ROR1: variants seen among roughly 807,000 people sequenced by gnomAD.
The protein encoded by ROR1 is ROR family WNT receptor 1.
A neutral mutation model predicts 78.8 loss-of-function variants in ROR1; 19 were observed. The ratio of observed to expected loss-of-function variants is 0.24; its 90% CI spans 0.17 to 0.35. ROR1 has a LOEUF of 0.35. ROR1 is among the 10% of genes least tolerant of loss of function. ROR1 has a pLI of 1.00. For synonymous variants in ROR1, 386 were observed against 433.6 expected (o/e 0.89, Z 1.36); for missense variants, 917 against 1,177.8 (o/e 0.78, Z 3.24).
At chr1:63,784,751 G>C (rs1439138199) in intron 1 of ROR1, among the ~76,000 whole-genome samples, 1 of 152,168 alleles carries the variant, frequency 6.6e-6, no homozygotes, top group Non-Finnish European at 1.5e-5. Flanking sequence ...TGACAGAGGG[G>C]GAAGGACCAT....
chr1:64,097,974 T>C (rs958456928), intron 4 of ROR1, among the ~76,000 whole-genome samples: 2 of 152,150 alleles, frequency 1.3e-5, no homozygotes, highest in Non-Finnish European at 2.9e-5. Context: ...TCTCCGTCAA[T>C]TTACACACAA....
intron 4 of ROR1, among the ~76,000 whole-genome samples, chr1:64,126,611 G>A (rs2100693913): frequency 6.6e-6 from 1 of 152,254 alleles, no homozygotes; most frequent in African/African-American, 2.4e-5. Flanking sequence ...GACAAAGAAG[G>A]TAAGTGACCT....
At chr1:64,015,950 T>C (rs1646517386) in intron 2 of ROR1, among the ~76,000 whole-genome samples, 1 of 152,168 alleles carries the variant, frequency 6.6e-6, no homozygotes, top group South Asian at 2.1e-4. Flanking sequence ...AAATAAAATA[T>C]AAATCTCATC....
intron 1 of ROR1, among the ~76,000 whole-genome samples, chr1:63,916,492 G>A (rs1276381977): frequency 3.3e-5 from 5 of 152,192 alleles, no homozygotes; most frequent in Non-Finnish European, 7.3e-5. Context: ...GATTGAATGA[G>A]TTTCATGTTT....
At chr1:63,908,075 C>T (rs944564112) in intron 1 of ROR1, among the ~76,000 whole-genome samples, 2 of 152,110 alleles carry the variant, frequency 1.3e-5, no homozygotes, top group African/African-American at 4.8e-5. Flanking sequence ...TATAATTACA[C>T]TCACTTGCTC....
At chr1:63,995,360 A>C (rs1168086835) in intron 1 of ROR1, among the ~76,000 whole-genome samples, 1 of 152,158 alleles carries the variant, frequency 6.6e-6, no homozygotes, top group Non-Finnish European at 1.5e-5. Context: ...TCATTGTTTG[A>C]AAGAGACCTC....
intron 1 of ROR1, among the ~76,000 whole-genome samples, chr1:63,945,248 A>C (rs1372607019): frequency 1.3e-5 from 2 of 152,206 alleles, no homozygotes; most frequent in African/African-American, 4.8e-5. Context: ...CTGTTAAACT[A>C]AAAAAGATCA....
chr1:63,887,415 AT>A (rs1645364707), intron 1 of ROR1, among the ~76,000 whole-genome samples: 1 of 152,166 alleles, frequency 6.6e-6, no homozygotes, highest in Admixed American at 6.5e-5. Flanking sequence ...GGTATAATTA[AT>A]ATAGATGAAT....
intron 1 of ROR1, among the ~76,000 whole-genome samples, chr1:63,811,982 A>T (rs1189509839): frequency 7.4e-6 from 1 of 135,400 alleles, no homozygotes; most frequent in African/African-American, 3.1e-5. Context: ...TTTTTTTGAG[A>T]CAGAGTCTCG....
At chr1:64,045,385 T>C (rs939767898) in intron 2 of ROR1, among the ~76,000 whole-genome samples, 11 of 152,078 alleles carry the variant, frequency 7.2e-5, no homozygotes, top group African/African-American at 2.7e-4. Context: ...GTGGAAAATA[T>C]TATTTTACTA....
rs782697527 is a variant in ROR1 at position 64,083,581 on chromosome 1, T to TAG, written c.482+32879_482+32880dup. On this transcript the variant is annotated intron_variant, in intron 4 of 8. Coordinates refer to ENST00000371079, the MANE Select transcript of ROR1 (RefSeq NM_005012.4). The stretch of plus-strand genomic sequence containing the variant: ...TTCCAGAAGAGGGCTTTAAAGGTGC[T>TAG]AGAGAGAGAGAGAGAAAAAAAAAAA... 5.0e-5 allele frequency among the ~76,000 whole-genome samples: 7 copies of TAG among 139,130 alleles called. No homozygotes were observed. The East Asian group carries it at 1.2e-3, about 24-fold the overall frequency. 91.3% of individuals were successfully genotyped at this position (139,130 alleles called of 152,430 possible).
intron 1 of ROR1, among the ~76,000 whole-genome samples, chr1:63,809,804 A>G (rs952207657): frequency 1.3e-5 from 2 of 152,226 alleles, no homozygotes; most frequent in African/African-American, 4.8e-5. Context: ...TTCCAAAGTC[A>G]AGAATACGTT....
chr1:63,859,705 T>C (rs1202220382), intron 1 of ROR1, among the ~76,000 whole-genome samples: 2 of 152,140 alleles, frequency 1.3e-5, no homozygotes. Context: ...TCTAGGCTTC[T>C]AGTGTGCCCT....
At chr1:63,827,968 A>G (rs1644965615) in intron 1 of ROR1, among the ~76,000 whole-genome samples, 2 of 152,202 alleles carry the variant, frequency 1.3e-5, no homozygotes, top group Admixed American at 6.5e-5. Context: ...AAAATCCTGT[A>G]TTATTTTGCA....
intron 2 of ROR1, among the ~76,000 whole-genome samples, chr1:64,020,004 GA>G (rs1349542261): frequency 6.6e-6 from 1 of 152,124 alleles, no homozygotes; most frequent in Non-Finnish European, 1.5e-5. Flanking sequence ...GAAGCAATGT[GA>G]AAATGAAAGC....
At chr1:63,840,779 C>G (rs1163498269) in intron 1 of ROR1, among the ~76,000 whole-genome samples, 1 of 152,154 alleles carries the variant, frequency 6.6e-6, no homozygotes, top group East Asian at 1.9e-4. Context: ...TATTTCCTGC[C>G]CCACCACTTT....
chr1:64,140,777 C>A (rs181607954), intron 6 of ROR1, among the ~76,000 whole-genome samples: 1 of 152,176 alleles, frequency 6.6e-6, no homozygotes, highest in East Asian at 1.9e-4. Flanking sequence ...TTTACAATAG[C>A]CAAAAGGTGG....
intron 1 of ROR1, among the ~76,000 whole-genome samples, chr1:63,885,293 G>T (rs752378473): frequency 1.3e-5 from 2 of 152,180 alleles, no homozygotes; most frequent in East Asian, 1.9e-4. Flanking sequence ...AACCAGGCAC[G>T]TAGATGGGAA....
intron 4 of ROR1, among the ~76,000 whole-genome samples, chr1:64,129,367 A>G (rs1322785929): frequency 1.3e-5 from 2 of 152,264 alleles, no homozygotes; most frequent in African/African-American, 4.8e-5. Context: ...CACTTGTGGT[A>G]GAAAATCTGC....
Sources: allele counts gnomAD v4.1 joint callset (sites outside exome capture counted in the v4.1 genomes callset), GRCh38; gene constraint gnomAD v4.1.1; transcripts MANE v1.5; gene names NCBI Gene and HGNC (gene_info 2026-07-23, HGNC 2026-07-21).